Variants in GRIA1 observed in about 807,000 individuals in gnomAD.
The protein encoded by GRIA1 is glutamate ionotropic receptor AMPA type subunit 1.
In GRIA1, 31 loss-of-function variants were observed where a neutral mutation model predicts 99.2. The observed-to-expected ratio is 0.31, with a 90% confidence interval of 0.23 to 0.42. The LOEUF (loss-of-function observed/expected upper bound fraction) is 0.42, where lower values mean the gene tolerates loss of function less well. GRIA1 is among the 10% of genes least tolerant of loss of function. The probability of loss-of-function intolerance (pLI) is 1.00; values close to 1 mark genes in which losing one functional copy is unlikely to be tolerated. For synonymous variants in GRIA1, 438 were observed against 432.4 expected (o/e 1.01, Z -0.16); for missense variants, 782 against 1,157.5 (o/e 0.68, Z 4.71).
chr5:153,799,885 C>T (rs1374129409), intron 14 of GRIA1, among the ~76,000 whole-genome samples: 6 of 152,130 alleles, frequency 3.9e-5, no homozygotes, highest in Admixed American at 2.6e-4. Context: ...CTTTCCACCC[C>T]CCGTCCATAT....
chr5:153,565,470 T>A (rs556624253), intron 2 of GRIA1, among the ~76,000 whole-genome samples: 2 of 152,354 alleles, frequency 1.3e-5, no homozygotes, highest in Admixed American at 6.5e-5. Flanking sequence ...ACCATATCAT[T>A]CACCCATTTA....
At chr5:153,683,463 C>T (rs1757127621) in intron 7 of GRIA1, among the ~76,000 whole-genome samples, 1 of 152,108 alleles carries the variant, frequency 6.6e-6, no homozygotes, top group African/African-American at 2.4e-5. Context: ...ATCTGTGAAA[C>T]AGGCAAAATA....
intron 2 of GRIA1, among the ~76,000 whole-genome samples, chr5:153,510,063 C>T (rs1165646235): frequency 6.6e-6 from 1 of 152,148 alleles, no homozygotes; most frequent in Non-Finnish European, 1.5e-5. Flanking sequence ...CTACTTGTTT[C>T]CTTTTACCAT....
intron 4 of GRIA1, among the ~76,000 whole-genome samples, chr5:153,653,768 C>T (rs936268471): frequency 1.3e-5 from 2 of 152,132 alleles, no homozygotes; most frequent in African/African-American, 4.8e-5. Flanking sequence ...TGCTGTTTCC[C>T]CAGCACATAG....
At chr5:153,547,774 G>C (rs962007472) in intron 2 of GRIA1, among the ~76,000 whole-genome samples, 1 of 152,108 alleles carries the variant, frequency 6.6e-6, no homozygotes, top group Non-Finnish European at 1.5e-5. Flanking sequence ...GAAGAACCTG[G>C]AGTAATTAGC....
At position 153,722,079 on chromosome 5, in the gene GRIA1, T is replaced by A. The variant is rs1453218419; in HGVS notation, c.1823+16012T>A. ...TTGCATTTCCCTGGCAACTAGTACT[T>A]CTTTCATATTTGTTAGCCATTTGAG... is the stretch of plus-strand genomic sequence containing the variant. On this transcript the variant is annotated intron_variant, in intron 11 of 15. Transcript: ENST00000285900. 2.0e-5 allele frequency among the ~76,000 whole-genome samples: 3 copies of A among 152,218 alleles called. No homozygotes were observed. In the East Asian group the frequency reaches 5.8e-4, roughly 29 times the overall value.
chr5:153,534,631 T>C (rs1171830130), intron 2 of GRIA1, among the ~76,000 whole-genome samples: 1 of 152,194 alleles, frequency 6.6e-6, no homozygotes, highest in East Asian at 1.9e-4. Flanking sequence ...AGTATCACGT[T>C]GTGGAGTAAG....
At chr5:153,719,916 C>T (rs956030112) in intron 11 of GRIA1, among the ~76,000 whole-genome samples, 2 of 152,104 alleles carry the variant, frequency 1.3e-5, no homozygotes, top group South Asian at 4.1e-4. Flanking sequence ...GTAATAAGTG[C>T]TCAATAAAAG....
At chr5:153,686,866 C>T (rs1322629870) in intron 8 of GRIA1, among the ~76,000 whole-genome samples, 2 of 152,188 alleles carry the variant, frequency 1.3e-5, no homozygotes, top group Non-Finnish European at 2.9e-5. Context: ...ATTTCGAATT[C>T]TACCAGAACC....
rs750273072 is a variant in GRIA1, at chr5:153,811,466, T to A, written c.*241T>A. The A allele has an allele frequency of 4.2e-6, 2 of 474,508 alleles. No homozygotes were observed. Among genetic ancestry groups the A allele is most frequent in the Non-Finnish European group, 7.8e-6 (2 of 257,966 alleles). 29.4% of individuals were successfully genotyped at this position (474,508 alleles called of 1,614,324 possible). On this transcript the variant is annotated 3_prime_UTR_variant, in exon 16 of 16. Coordinates refer to ENST00000285900, the MANE Select transcript of GRIA1 (RefSeq NM_000827.4). ...AAGTGAGGATGAAAAAATAACACTG[T>A]ACTGCAATAAGGGGAGAGTAACCCT... is the stretch of plus-strand genomic sequence containing the variant.
intron 11 of GRIA1, 114 bp from the exon 12 acceptor site, chr5:153,764,320 T>G: frequency 1.4e-6 from 1 of 739,964 alleles, no homozygotes; most frequent in South Asian, 1.5e-5. Context: ...ATGAGAAGGG[T>G]GCAATAGGGC....
intron 5 of GRIA1, among the ~76,000 whole-genome samples, chr5:153,657,142 A>T (rs915397149): frequency 6.6e-6 from 1 of 152,190 alleles, no homozygotes; most frequent in African/African-American, 2.4e-5. Flanking sequence ...CTTTTTGACT[A>T]TTATGAATAA....
chr5:153,524,409 C>G (rs1428847662), intron 2 of GRIA1, among the ~76,000 whole-genome samples: 1 of 152,088 alleles, frequency 6.6e-6, no homozygotes, highest in Non-Finnish European at 1.5e-5. Context: ...GAAGATTATG[C>G]TTTGAGAAAT....
At chr5:153,690,979 T>G (rs1757703553) in intron 8 of GRIA1, among the ~76,000 whole-genome samples, 1 of 152,194 alleles carries the variant, frequency 6.6e-6, no homozygotes, top group African/African-American at 2.4e-5. Context: ...TGATTGTGTA[T>G]AGTAAAAAGG....
intron 11 of GRIA1, among the ~76,000 whole-genome samples, chr5:153,727,505 A>G (rs2149551738): frequency 6.6e-6 from 1 of 152,324 alleles, no homozygotes; most frequent in East Asian, 1.9e-4. Flanking sequence ...TCAGCCCAAA[A>G]TCTCCTTAAG....
intron 2 of GRIA1, among the ~76,000 whole-genome samples, chr5:153,511,809 C>T (rs763787835): frequency 2.6e-5 from 4 of 152,180 alleles, no homozygotes; most frequent in Non-Finnish European, 5.9e-5. Context: ...TTACCCAGAA[C>T]AAGGAATTGC....
intron 2 of GRIA1, among the ~76,000 whole-genome samples, chr5:153,634,304 T>G (rs1753191026): frequency 1.5e-5 from 2 of 137,552 alleles, no homozygotes; most frequent in Admixed American, 7.7e-5. Context: ...GGCAACAGAG[T>G]GAGACTCCAT....
intron 2 of GRIA1, among the ~76,000 whole-genome samples, chr5:153,511,642 A>T (rs975375891): frequency 2.6e-5 from 4 of 152,228 alleles, no homozygotes; most frequent in African/African-American, 9.6e-5. Flanking sequence ...CCTGTTTTAC[A>T]TATGGTGAAA....
At chr5:153,549,958 G>T (rs1236057990) in intron 2 of GRIA1, among the ~76,000 whole-genome samples, 2 of 152,058 alleles carry the variant, frequency 1.3e-5, no homozygotes, top group East Asian at 3.9e-4. Context: ...CAGTTCTATC[G>T]CTTACTATCG....
Sources: allele counts gnomAD v4.1 joint callset (sites outside exome capture counted in the v4.1 genomes callset), GRCh38; gene constraint gnomAD v4.1.1; transcripts MANE v1.5; gene names NCBI Gene and HGNC (gene_info 2026-07-23, HGNC 2026-07-21).